TRANK1: variants seen among roughly 807,000 people sequenced by gnomAD.
TRANK1 encodes the protein TPR and ankyrin repeat-containing protein 1.
A neutral mutation model predicts 266.0 loss-of-function variants in TRANK1; 198 were observed. The ratio of observed to expected loss-of-function variants is 0.74; its 90% CI spans 0.66 to 0.84. The LOEUF is 0.84. Among genes scored for constraint, TRANK1 ranks in the 40% least tolerant of loss-of-function variants. The probability of loss-of-function intolerance (pLI) is 0.00; values close to 1 mark genes in which losing one functional copy is unlikely to be tolerated. For synonymous variants in TRANK1, 1,396 were observed against 1,384.1 expected (o/e 1.01, Z -0.19); for missense variants, 3,326 against 3,634.6 (o/e 0.92, Z 2.18).
At chr3:36,917,708 G>T (rs2080145707) in intron 1 of TRANK1, among the ~76,000 whole-genome samples, 1 of 152,166 alleles carries the variant, frequency 6.6e-6, no homozygotes, top group African/African-American at 2.4e-5. Flanking sequence ...TATTAATCTG[G>T]AGTTGGTTTT....
chr3:36,857,587 C>G lies in TRANK1; in HGVS notation c.2135G>C (p.Gly712Ala), dbSNP rs771194014. 1.9e-5 allele frequency: 30 copies of G among 1,613,876 alleles called. No individual in the cohort carries two copies. In the South Asian group the frequency reaches 3.2e-4, roughly 17 times the overall value. Residue 712 changes from glycine to alanine, a missense_variant, in exon 13 of 24, where the codon GGT becomes GCT. By Grantham distance (60) the Gly-to-Ala change is moderately conservative (BLOSUM62 0). Coordinates refer to ENST00000645898, the MANE Select transcript of TRANK1 (RefSeq NM_001329998.2). This position sits in a 1 kb window ranked among gnomAD's most constrained non-coding sequence, Gnocchi z 4.3. Reference sequence around the variant, plus strand: ...AGGCTCCTTCCTGGTCACCTGGGTACCTGGGAGAGTCTCCCAGCTGTCAGG... The same window carrying G: ...AGGCTCCTTCCTGGTCACCTGGGTAGCTGGGAGAGTCTCCCAGCTGTCAGG... ...AVPDSWETLP[G>A]TQVTRKEPGA...
At chr3:36,926,312 AAC>A (rs1226578064) in intron 1 of TRANK1, among the ~76,000 whole-genome samples, 4 of 152,184 alleles carry the variant, frequency 2.6e-5, no homozygotes, top group Non-Finnish European at 5.9e-5. Context: ...TTGCTAACAT[AAC>A]ACACAGCACT....
chr3:36,854,821 G>GTA (rs1172682008), intron 13 of TRANK1, among the ~76,000 whole-genome samples: 2 of 148,476 alleles, frequency 1.3e-5, no homozygotes, highest in Non-Finnish European at 3.0e-5. Flanking sequence ...TTAATGACTT[G>GTA]TAACTGGTAT....
At chr3:36,854,109 C>T (rs2079018956) in intron 13 of TRANK1, among the ~76,000 whole-genome samples, 1 of 152,120 alleles carries the variant, frequency 6.6e-6, no homozygotes, top group Admixed American at 6.5e-5. Context: ...GCCTGTAATC[C>T]CAGCACTTTG....
rs900031532 is a variant in TRANK1, at chr3:36,851,992, T to C, written c.4750-136A>G. 15 of 1,386,130 alleles carry C rather than the reference T, an allele frequency of 1.1e-5. No individual in the cohort carries two copies. The Admixed American group carries it at 2.9e-4, about 26-fold the overall frequency. 85.9% of individuals were successfully genotyped at this position (1,386,130 alleles called of 1,614,324 possible). Reference sequence around the variant, plus strand: ...ATGGTCAGGCAGGCCAGGGGAAAGATTGAAACACTTGGTCACTCAGCCATC... The same window carrying C: ...ATGGTCAGGCAGGCCAGGGGAAAGACTGAAACACTTGGTCACTCAGCCATC... On this transcript the variant is annotated intron_variant, in intron 14 of 23. Transcript: ENST00000645898.
At chr3:36,882,070 T>G (rs1182979942) in intron 8 of TRANK1, among the ~76,000 whole-genome samples, 1 of 152,230 alleles carries the variant, frequency 6.6e-6, no homozygotes, top group Non-Finnish European at 1.5e-5. Context: ...AAGTTCTTAT[T>G]TGGGCATGTT....
At chr3:36,939,160 A>AATAC (rs397976848) in intron 1 of TRANK1, among the ~76,000 whole-genome samples, 1 of 151,670 alleles carries the variant, frequency 6.6e-6, no homozygotes, top group Non-Finnish European at 1.5e-5. Context: ...TAAATAAATA[A>AATAC]CACAGAGCTG....
At chr3:36,909,645 T>G (rs1271218192) in intron 1 of TRANK1, among the ~76,000 whole-genome samples, 1 of 152,200 alleles carries the variant, frequency 6.6e-6, no homozygotes, top group Non-Finnish European at 1.5e-5. Context: ...GGAGAGACAG[T>G]AATTATTAAT....
intron 8 of TRANK1, among the ~76,000 whole-genome samples, chr3:36,877,831 C>T (rs2079411721): frequency 6.6e-6 from 1 of 152,132 alleles, no homozygotes; most frequent in African/African-American, 2.4e-5. Context: ...TAAAGGAATA[C>T]AAAACTATTT....
intron 1 of TRANK1, among the ~76,000 whole-genome samples, chr3:36,940,176 C>T (rs13083552): frequency 1.2e-4 from 18 of 151,874 alleles, no homozygotes; most frequent in African/African-American, 9.6e-5. Flanking sequence ...TGACCCACCG[C>T]GCCTGGCCCA....
intron 14 of TRANK1, 134 bp downstream of exon 14, chr3:36,852,012 G>A: frequency 7.4e-7 from 1 of 1,356,998 alleles, no homozygotes; most frequent in Non-Finnish European, 9.9e-7. Context: ...TGGTCACTCA[G>A]CCATCTCTGG....
At chr3:36,904,024 T>C (rs957004176) in intron 2 of TRANK1, among the ~76,000 whole-genome samples, 4 of 151,856 alleles carry the variant, frequency 2.6e-5, no homozygotes, top group African/African-American at 9.7e-5. Context: ...AGTGGTGCAA[T>C]CTCAGCTCAC....
chr3:36,888,014 G>A (rs1408369723), intron 8 of TRANK1, among the ~76,000 whole-genome samples: 1 of 152,014 alleles, frequency 6.6e-6, no homozygotes, highest in African/African-American at 2.4e-5. Flanking sequence ...TATCTAGCTG[G>A]GAAAAATGAA....
chr3:36,833,235 A>C lies in TRANK1; in HGVS notation c.6348T>G (p.Phe2116Leu). Residue 2116 changes from phenylalanine (F) to leucine (L), a missense_variant, in exon 22 of 24, where the codon TTT becomes TTG. Transcript: ENST00000645898. ...TGGCATCCACCTGGGAAATCCCAAA[A>C]AACTCAAAGCAAGATTTGACCATTT... ...EKEMVKSCFE[F>L]FGISQVDAKY... is the part of the protein sequence containing the mutation. 6.2e-7 allele frequency: 1 copy of C among 1,614,018 alleles called. No individual in the cohort carries two copies. The highest frequency in any genetic ancestry group is 8.5e-7 in the Non-Finnish European group (1 of 1,179,888).
chr3:36,828,236 A>T lies in TRANK1; in HGVS notation c.*39T>A, dbSNP rs2078651976. 4 of 1,453,772 alleles carry T rather than the reference A, an allele frequency of 2.8e-6. No homozygotes were observed. In the South Asian group the frequency reaches 4.8e-5, roughly 17 times the overall value. The allele number at this position is 1,453,772 out of a possible 1,614,324, so 90.1% of individuals were successfully genotyped here. On this transcript the variant is annotated 3_prime_UTR_variant, in exon 24 of 24. Transcript: ENST00000645898. Reference sequence around the variant, plus strand: ...CGCTCAGAATTCTAAGTCAGAATGGAATGTTCCGAAGGATGAGGAGGCTGC... The same window carrying T: ...CGCTCAGAATTCTAAGTCAGAATGGTATGTTCCGAAGGATGAGGAGGCTGC...
chr3:36,856,855 T>C lies in TRANK1; in HGVS notation c.2867A>G (p.Lys956Arg). 6.2e-7 allele frequency: 1 copy of C among 1,614,050 alleles called. No homozygotes were observed. The highest frequency in any genetic ancestry group is 8.5e-7 in the Non-Finnish European group (1 of 1,179,902). The change falls in exon 13 of 24, where the codon AAG (lysine) becomes AGG (arginine). Residue 956 changes from lysine to arginine, a missense_variant. Coordinates refer to ENST00000645898, the MANE Select transcript of TRANK1 (RefSeq NM_001329998.2). Reference sequence around the variant, plus strand: ...CCGGTTGTAGGCATTGCAGATGGCCTTGATGGAATCAGCCAGTTTGCAGTG... The same window carrying C: ...CCGGTTGTAGGCATTGCAGATGGCCCTGATGGAATCAGCCAGTTTGCAGTG... ...LDHCKLADSI[K>R]AICNAYNRGL...
chr3:36,875,144 G>C (rs1431469230), intron 8 of TRANK1, among the ~76,000 whole-genome samples: 1 of 152,022 alleles, frequency 6.6e-6, no homozygotes. Context: ...TCAAATACTA[G>C]CCTAGGTGCT....
chr3:36,850,887 T>C lies in TRANK1; in HGVS notation c.4887+832A>G, dbSNP rs2078976927. On this transcript the variant is annotated intron_variant, in intron 15 of 23. Coordinates refer to ENST00000645898, the MANE Select transcript of TRANK1 (RefSeq NM_001329998.2). ...GGGTATAACATAGCCCCTTCAAGCA[T>C]GCATCATGTGCAAAGGAAGTCTGCA... 9 of 985,462 alleles carry C rather than the reference T, an allele frequency of 9.1e-6. No homozygotes were observed. The South Asian group carries it at 4.2e-4, about 46-fold the overall frequency. The allele number at this position is 985,462 out of a possible 1,614,324, so 61.0% of individuals were successfully genotyped here. A position where few individuals can be genotyped will look rare whatever the true frequency, so the allele number is the denominator to read the frequency against.
At position 36,858,740 on chromosome 3, in the gene TRANK1, G is replaced by A. The variant is rs1457841744; in HGVS notation, c.1650C>T (p.Leu550=). Residue 550 remains leucine (L), a synonymous_variant, in exon 12 of 24, where the codon CTC becomes CTT. Coordinates refer to ENST00000645898, the MANE Select transcript of TRANK1 (RefSeq NM_001329998.2). ...TEGDTPLHAA[L]HIFLEIKADI... ...TACCTTTAATCTCTAGAAAGATGTG[G>A]AGTGCTGCATGCAAAGGAGTATCAC... 6.5e-7 allele frequency: 1 copy of A among 1,534,252 alleles called. No individual in the cohort carries two copies. The highest frequency in any genetic ancestry group is 8.7e-7 in the Non-Finnish European group (1 of 1,145,382).
Sources: gnomAD v4.1 joint callset for allele counts (sites outside exome capture counted in the v4.1 genomes callset) on GRCh38, gnomAD v4.1.1 for gene constraint, Gnocchi (gnomAD v3.1) non-coding constraint, MANE v1.5 for transcripts, NCBI Gene and HGNC (gene_info 2026-07-23, HGNC 2026-07-21) for gene names.